The following ITIH2 variants were observed in gnomAD, a reference collection of about 807,000 sequenced individuals.
ITIH2 encodes the protein inter-alpha-trypsin inhibitor heavy chain H2.
Under a neutral mutation model 104.4 loss-of-function variants are expected in ITIH2, and 103 were observed. That is an observed-to-expected ratio of 0.99 (90% CI 0.84 to 1.16). The LOEUF is 1.16. ITIH2 is among the 50% of genes most tolerant of loss of function. The pLI, the probability that ITIH2 is intolerant of heterozygous loss-of-function variation, is 0.00. For missense variants in ITIH2, 1,108 were observed against 1,162.4 expected (o/e 0.95, Z 0.68); for synonymous variants, 436 against 435.4 (o/e 1.00, Z -0.02).
rs1032315574 is a variant in ITIH2, at chr10:7,746,806, T to C, written c.2693+102T>C. On this transcript the variant is annotated intron_variant, in intron 20 of 20. Coordinates refer to ENST00000358415, the MANE Select transcript of ITIH2 (RefSeq NM_002216.3). ...AAGAAGAAGTGTCGTAGGCACTACC[T>C]ACATCACACTAAGCAGTTCATTAGG... 18 of 697,222 alleles carry C rather than the reference T, an allele frequency of 2.6e-5. No individual in the cohort carries two copies. In the East Asian group the frequency reaches 4.3e-4, roughly 17 times the overall value. 43.2% of individuals were successfully genotyped at this position (697,222 alleles called of 1,614,324 possible).
chr10:7,727,319 C>G (rs755798509), intron 10 of ITIH2, among the ~76,000 whole-genome samples: 1 of 152,180 alleles, frequency 6.6e-6, no homozygotes, highest in African/African-American at 2.4e-5. Flanking sequence ...AAGCTTTGAA[C>G]CGTTTTAATG....
Position 7,709,170 on chromosome 10 carries a change from C to T in ITIH2, c.341C>T (p.Ala114Val), listed in dbSNP as rs1834773860. Residue 114 changes from alanine (A) to valine (V), a missense_variant, in exon 4 of 21, where the codon GCA becomes GTA. By Grantham distance (64) the Ala-to-Val change is moderately conservative (BLOSUM62 0). Coordinates refer to ENST00000358415, the MANE Select transcript of ITIH2 (RefSeq NM_002216.3). The stretch of plus-strand genomic sequence containing the variant: ...TTTGATGTTCAGATCCCCAAAGGAG[C>T]ATTCATTTCCAACTTCTCCATGTGA... ...VVFDVQIPKG[A>V]FISNFSMTVD... 6.2e-7 allele frequency: 1 copy of T among 1,614,016 alleles called. No individual in the cohort carries two copies. Among genetic ancestry groups the T allele is most frequent in the African/African-American group, 1.3e-5 (1 of 74,910 alleles).
At chr10:7,734,697 AAAT>A (rs1189175606) in intron 14 of ITIH2, among the ~76,000 whole-genome samples, 1 of 152,230 alleles carries the variant, frequency 6.6e-6, no homozygotes, top group African/African-American at 2.4e-5. Flanking sequence ...CTTGTCTCAA[AAAT>A]AATAATGATA....
At chr10:7,714,165 ATTTTTT>A (rs996413668) in intron 5 of ITIH2, among the ~76,000 whole-genome samples, 3 of 84,030 alleles carry the variant, frequency 3.6e-5, no homozygotes, top group South Asian at 3.9e-4. Flanking sequence ...CACACTCACT[ATTTTTT>A]TTTTTTTTTT....
intron 18 of ITIH2, 121 bp from the exon 19 acceptor site, chr10:7,744,670 G>A (rs1484721089): frequency 1.9e-5 from 15 of 775,684 alleles, no homozygotes; most frequent in East Asian, 2.7e-5. Flanking sequence ...TGTTGCAAGC[G>A]CTTAGATAAC....
chr10:7,727,180 T>A, intron 10 of ITIH2, 62 bp downstream of exon 10: 1 of 1,368,118 alleles, frequency 7.3e-7, no homozygotes, highest in Non-Finnish European at 1.0e-6. Flanking sequence ...ATGATTCACT[T>A]AAGAAGCATT....
intron 9 of ITIH2, among the ~76,000 whole-genome samples, chr10:7,725,143 C>T (rs1834940654): frequency 6.6e-6 from 1 of 151,954 alleles, no homozygotes; most frequent in Admixed American, 6.6e-5. Context: ...TACAAATGTA[C>T]AAGTACGTTC....
At chr10:7,708,925 A>T in intron 3 of ITIH2, 97 bp from the exon 4 acceptor site, 3 of 1,014,730 alleles carry the variant, frequency 3.0e-6, no homozygotes, top group Non-Finnish European at 4.6e-6. Context: ...TAGTAAAACA[A>T]GTAAAATGTA....
chr10:7,749,281 C>A lies in ITIH2; in HGVS notation c.2788C>A (p.His930Asn). ...CAGTGGAAAAGGATTCATTGACGGG[C>A]ATTACAAGGATTACTTCGTGCCTCA... ...HNSGKGFIDGHYKDYFVPQLY... is the reference protein window; with the variant it reads ...HNSGKGFIDGNYKDYFVPQLY... Residue 930 changes from histidine to asparagine, a missense_variant, in exon 21 of 21, where the codon CAT (histidine) becomes AAT (asparagine). Physicochemically the swap from His to Asn is moderately conservative, Grantham distance 68 (BLOSUM62 1). Coordinates refer to ENST00000358415, the MANE Select transcript of ITIH2 (RefSeq NM_002216.3). 2 of 1,614,086 alleles carry A rather than the reference C, an allele frequency of 1.2e-6. No homozygotes were observed. Among genetic ancestry groups the A allele is most frequent in the Non-Finnish European group, 1.7e-6 (2 of 1,179,966 alleles).
intron 5 of ITIH2, among the ~76,000 whole-genome samples, chr10:7,717,188 G>T (rs1322601823): frequency 6.6e-6 from 1 of 152,038 alleles, no homozygotes; most frequent in Non-Finnish European, 1.5e-5. Flanking sequence ...TCCTGACCTC[G>T]TGATCCGCCT....
chr10:7,747,525 C>T (rs1835190814), intron 20 of ITIH2, among the ~76,000 whole-genome samples: 1 of 152,146 alleles, frequency 6.6e-6, no homozygotes, highest in Admixed American at 6.5e-5. Flanking sequence ...AATCAGTGAG[C>T]ATGTGTCACA....
At chr10:7,742,472 G>A (rs1290357945) in intron 16 of ITIH2, among the ~76,000 whole-genome samples, 5 of 152,036 alleles carry the variant, frequency 3.3e-5, no homozygotes, top group South Asian at 2.1e-4. Flanking sequence ...TGGGTGAGGC[G>A]GCTCACACCT....
At chr10:7,730,275 T>C (rs1834990308) in intron 12 of ITIH2, 142 bp downstream of exon 12, 2 of 608,638 alleles carry the variant, frequency 3.3e-6, no homozygotes, top group Non-Finnish European at 2.8e-6. Flanking sequence ...ATCAGGGAAG[T>C]GCCCAGTTCC....
Position 7,703,326 on chromosome 10 carries a change from A to T in ITIH2, c.-109A>T. On this transcript the variant is annotated 5_prime_UTR_variant, in exon 1 of 21. Coordinates refer to ENST00000358415, the MANE Select transcript of ITIH2 (RefSeq NM_002216.3). ...TTTTTCTTCTTTTTTCTTCTTTCTTAAAGCGAACTGTACTCCTCTGCTGTT... is the reference window on the plus strand; with the variant it reads ...TTTTTCTTCTTTTTTCTTCTTTCTTTAAGCGAACTGTACTCCTCTGCTGTT... 1.4e-6 allele frequency: 1 copy of T among 711,446 alleles called. No homozygotes were observed. The allele number at this position is 711,446 out of a possible 1,614,324, so 44.1% of individuals were successfully genotyped here.
chr10:7,723,648 C>T, intron 9 of ITIH2, 81 bp downstream of exon 9: 1 of 895,598 alleles, frequency 1.1e-6, no homozygotes, highest in Non-Finnish European at 1.9e-6. Flanking sequence ...TCATTCTATC[C>T]CTCCTCCCTG....
chr10:7,711,489 T>C (rs991138506), intron 4 of ITIH2, among the ~76,000 whole-genome samples: 14 of 152,234 alleles, frequency 9.2e-5, no homozygotes, highest in Middle Eastern at 3.4e-3. Context: ...AGCCAAAATA[T>C]CCCTTTTACC....
intron 5 of ITIH2, 39 bp downstream of exon 5, chr10:7,713,324 A>C: frequency 6.6e-7 from 1 of 1,505,114 alleles, no homozygotes; most frequent in African/African-American, 1.4e-5. Context: ...TTGCCTCTCA[A>C]TGACGGTTTC....
intron 16 of ITIH2, among the ~76,000 whole-genome samples, chr10:7,742,771 C>G (rs1483757384): frequency 6.6e-6 from 1 of 152,142 alleles, no homozygotes; most frequent in Non-Finnish European, 1.5e-5. Flanking sequence ...ATTTTTCTGT[C>G]TACACACATA....
In ITIH2 at chr10:7,721,720, T is replaced by A; in HGVS notation, c.810T>A (p.Asp270Glu). Reference sequence around the variant, plus strand: ...CTAACTGCCGGGAGACTGCGGTAGATGGGGAACTGGTGGTGCTGTATGACG... The same window carrying A: ...CTAACTGCCGGGAGACTGCGGTAGAAGGGGAACTGGTGGTGCTGTATGACG... ...ICPNCRETAV[D>E]GELVVLYDVK... The change falls in exon 8 of 21, where the codon GAT becomes GAA. Residue 270 changes from aspartate to glutamate, a missense_variant. Asp to Glu is a conservative substitution (Grantham distance 45, BLOSUM62 2). Coordinates refer to ENST00000358415, the MANE Select transcript of ITIH2 (RefSeq NM_002216.3). The A allele has an allele frequency of 6.2e-7, 1 of 1,613,870 alleles. No homozygotes were observed. Among genetic ancestry groups the A allele is most frequent in the Admixed American group, 1.7e-5 (1 of 60,022 alleles).
Sources: allele counts gnomAD v4.1 joint callset (sites outside exome capture counted in the v4.1 genomes callset), GRCh38; gene constraint gnomAD v4.1.1; transcripts MANE v1.5; gene names NCBI Gene and HGNC (gene_info 2026-07-23, HGNC 2026-07-21).